The following ZNF146 variants were observed in gnomAD, a reference collection of about 807,000 sequenced individuals.
ZNF146 encodes zinc finger protein 146.
In ZNF146, 9 loss-of-function variants were observed where a neutral mutation model predicts 22.2. That is an observed-to-expected ratio of 0.41 (90% CI 0.24 to 0.71). ZNF146 has a LOEUF of 0.71. Among genes scored for constraint, ZNF146 ranks in the 30% least tolerant of loss-of-function variants. The pLI is 0.34. For synonymous variants in ZNF146, 108 were observed against 119.2 expected, an observed-to-expected ratio of 0.91 and a Z score of 0.61; for missense variants, 194 against 344.8, an observed-to-expected ratio of 0.56 and a Z score of 3.46.
At position 36,224,920 on chromosome 19, in the gene ZNF146, A is replaced by G. The variant is rs998955903; in HGVS notation, c.-854-3828A>G. ...GTTTTATGTTGCTATGAATGGAGTCATTGTTGGCATATATGAAGCTGTTGA... is the reference window on the plus strand; with the variant it reads ...GTTTTATGTTGCTATGAATGGAGTCGTTGTTGGCATATATGAAGCTGTTGA... On this transcript the variant is annotated intron_variant, in intron 2 of 3. Coordinates refer to ENST00000443387, the MANE Select transcript of ZNF146 (RefSeq NM_007145.3). Among the ~76,000 whole-genome samples, 11 of 152,196 alleles carry G rather than the reference A, an allele frequency of 7.2e-5. No homozygotes were observed. The East Asian group carries it at 1.5e-3, about 21-fold the overall frequency.
chr19:36,217,510 C>G (rs1010330053), intron 1 of ZNF146, among the ~76,000 whole-genome samples: 5 of 152,080 alleles, frequency 3.3e-5, no homozygotes, highest in African/African-American at 1.2e-4. Flanking sequence ...TCTTTATATA[C>G]TGAGACAGAA....
Position 36,238,316 on chromosome 19 carries a change from G to A in ZNF146, c.*997G>A, listed in dbSNP as rs1977718944. On this transcript the variant is annotated 3_prime_UTR_variant, in exon 4 of 4. Transcript: ENST00000443387. ...ATTGGTAATGGATGCATATATGTAT[G>A]TACATGTTTTTGAAACGGATTGGAA... 1.2e-5 allele frequency: 2 copies of A among 167,068 alleles called. No homozygotes were observed. Among genetic ancestry groups the A allele is most frequent in the South Asian group, 2.1e-4 (1 of 4,834 alleles). 10.3% of individuals were successfully genotyped at this position (167,068 alleles called of 1,614,324 possible).
intron 2 of ZNF146, among the ~76,000 whole-genome samples, chr19:36,222,929 C>T (rs1438336904): frequency 6.6e-6 from 1 of 151,192 alleles, no homozygotes; most frequent in Non-Finnish European, 1.5e-5. Context: ...AGAATGAGCC[C>T]CCTGTGGTTG....
intron 3 of ZNF146, among the ~76,000 whole-genome samples, chr19:36,232,735 A>G (rs1215251455): frequency 6.6e-6 from 1 of 150,814 alleles, no homozygotes; most frequent in Non-Finnish European, 1.5e-5. Flanking sequence ...CAGCCTCTTG[A>G]GTAGCTGGGA....
intron 2 of ZNF146, among the ~76,000 whole-genome samples, chr19:36,227,712 G>A (rs1324306902): frequency 2.6e-5 from 4 of 152,140 alleles, no homozygotes; most frequent in East Asian, 1.9e-4. Context: ...ACACCATTGC[G>A]CCCAGCTAAT....
chr19:36,223,684 T>TATA (rs1243253320), intron 2 of ZNF146, among the ~76,000 whole-genome samples: 3 of 18,720 alleles, frequency 1.6e-4, no homozygotes, highest in African/African-American at 7.1e-4. Context: ...CTTTTATGGT[T>TATA]ATCAGACTTT....
At chr19:36,222,277 G>A (rs1251595822) in intron 2 of ZNF146, among the ~76,000 whole-genome samples, 5 of 152,080 alleles carry the variant, frequency 3.3e-5, no homozygotes, top group African/African-American at 9.7e-5. Context: ...TTCAGCTGCT[G>A]TATAAATAAG....
chr19:36,220,586 G>A (rs930926357), intron 2 of ZNF146, among the ~76,000 whole-genome samples: 3 of 152,022 alleles, frequency 2.0e-5, no homozygotes, highest in Non-Finnish European at 4.4e-5. Flanking sequence ...GGATGGTCTC[G>A]ATCTCCTAAC....
intron 1 of ZNF146, among the ~76,000 whole-genome samples, chr19:36,215,492 A>G (rs1411355931): frequency 6.6e-6 from 1 of 152,100 alleles, no homozygotes; most frequent in Non-Finnish European, 1.5e-5. Flanking sequence ...TTTGAGCTGC[A>G]CTTCCCTTGT....
chr19:36,216,487 A>AG (rs1444826921), intron 1 of ZNF146, among the ~76,000 whole-genome samples: 3 of 152,074 alleles, frequency 2.0e-5, no homozygotes, highest in South Asian at 2.1e-4. Flanking sequence ...CTAAAAAAAA[A>AG]TAAAATAAAA....
intron 3 of ZNF146, among the ~76,000 whole-genome samples, chr19:36,234,573 A>G (rs1195446272): frequency 6.6e-6 from 1 of 152,008 alleles, no homozygotes; most frequent in Non-Finnish European, 1.5e-5. Context: ...AATTTTTTGT[A>G]TTTTTAGTAG....
chr19:36,229,272 TCTCTGCCATCGTAGATCCATGGACTC>T (rs1977216013), intron 3 of ZNF146, among the ~76,000 whole-genome samples: 1 of 152,242 alleles, frequency 6.6e-6, no homozygotes, highest in South Asian at 2.1e-4. Context: ...TTCTCACTCA[TCTCTGCCATCGTAGATCCATGGACTC>T]CTCTGCCTAC....
intron 3 of ZNF146, among the ~76,000 whole-genome samples, chr19:36,234,448 G>C (rs1977556693): frequency 6.6e-6 from 1 of 152,208 alleles, no homozygotes; most frequent in East Asian, 1.9e-4. Context: ...AGACTACCCA[G>C]TCTATGTTCA....
intron 2 of ZNF146, among the ~76,000 whole-genome samples, chr19:36,225,699 A>G (rs925023265): frequency 6.7e-6 from 1 of 149,620 alleles, no homozygotes; most frequent in Admixed American, 6.7e-5. Context: ...CAGTGTCTCA[A>G]AGTGCTGGGA....
intron 3 of ZNF146, among the ~76,000 whole-genome samples, chr19:36,230,227 G>T (rs1970164294): frequency 6.6e-6 from 1 of 152,142 alleles, no homozygotes; most frequent in Non-Finnish European, 1.5e-5. Flanking sequence ...CTCAAAAGAA[G>T]TAAACCCATT....
intron 2 of ZNF146, among the ~76,000 whole-genome samples, chr19:36,218,711 C>T (rs1433993992): frequency 1.3e-5 from 2 of 151,998 alleles, no homozygotes; most frequent in African/African-American, 2.4e-5. Context: ...CCTTGTGATC[C>T]ACCTGCCTCA....
Position 36,230,465 on chromosome 19 carries a change from CCGG to C in ZNF146, c.-783+1647_-783+1649del, listed in dbSNP as rs879506266. On this transcript the variant is annotated intron_variant, in intron 3 of 3. Transcript: ENST00000443387. ...TGGAAAAGAATAAAGTAAGGGAAAA[CCGG>C]TATAGAGAGGGCTAGTTGGGGTTGT... 6.1e-3 allele frequency among the ~76,000 whole-genome samples: 921 copies of C among 152,128 alleles called. 9 individuals carry two copies. Among genetic ancestry groups the C allele is most frequent in the Non-Finnish European group, 8.8e-3 (601 of 67,996 alleles).
intron 2 of ZNF146, among the ~76,000 whole-genome samples, chr19:36,218,599 G>A (rs899667486): frequency 6.6e-6 from 1 of 151,418 alleles, no homozygotes; most frequent in Admixed American, 6.6e-5. Flanking sequence ...CTGAGTAGCT[G>A]GGACTACAGG....
rs144203288 is a variant in ZNF146 at position 36,238,013 on chromosome 19, A to G, written c.*694A>G. On this transcript the variant is annotated 3_prime_UTR_variant, in exon 4 of 4. Transcript: ENST00000443387. ...GAAATACTTAGCGGTTCTACTTATGAGTATGAATGCTCAGGAAATACGCAC... is the reference window on the plus strand; with the variant it reads ...GAAATACTTAGCGGTTCTACTTATGGGTATGAATGCTCAGGAAATACGCAC... 6.0e-6 allele frequency: 1 copy of G among 167,258 alleles called. No homozygotes were observed. The highest frequency in any genetic ancestry group is 1.9e-4 in the East Asian group (1 of 5,194). 10.4% of individuals were successfully genotyped at this position (167,258 alleles called of 1,614,324 possible).
Sources: allele counts gnomAD v4.1 joint callset (sites outside exome capture counted in the v4.1 genomes callset), GRCh38; gene constraint gnomAD v4.1.1; transcripts MANE v1.5; gene names NCBI Gene and HGNC (gene_info 2026-07-23, HGNC 2026-07-21).